KIF15: variants seen among roughly 807,000 people sequenced by gnomAD.
The protein encoded by KIF15 is kinesin-like protein KIF15.
Under a neutral mutation model 190.6 loss-of-function variants are expected in KIF15, and 140 were observed. That is an observed-to-expected ratio of 0.73 (90% CI 0.64 to 0.84). The LOEUF (loss-of-function observed/expected upper bound fraction) is 0.84, where lower values mean the gene tolerates loss of function less well. Among genes scored for constraint, KIF15 ranks in the 40% least tolerant of loss-of-function variants. The pLI is 0.00. For missense variants in KIF15, 1,372 were observed against 1,584.4 expected (o/e 0.87, Z 2.28); for synonymous variants, 528 against 551.3 (o/e 0.96, Z 0.59).
intron 10 of KIF15, among the ~76,000 whole-genome samples, chr3:44,799,944 A>T (rs1455329395): frequency 6.6e-6 from 1 of 152,060 alleles, no homozygotes; most frequent in Admixed American, 6.6e-5. Flanking sequence ...AAGGGAAATG[A>T]TACTCACTGA....
At chr3:44,776,423 TA>T (rs771749089) in intron 3 of KIF15, among the ~76,000 whole-genome samples, 3,476 of 134,566 alleles carry the variant, frequency 0.026, 49 homozygotes, top group Non-Finnish European at 0.038. Context: ...CTCTATCTCT[TA>T]AAAAAAAAAA....
intron 1 of KIF15, among the ~76,000 whole-genome samples, chr3:44,770,406 C>T (rs1401598237): frequency 1.3e-5 from 2 of 152,154 alleles, no homozygotes; most frequent in African/African-American, 2.4e-5. Context: ...TTTTTACCCT[C>T]AAATACCTGT....
At chr3:44,816,815 A>T (rs551797069) in intron 20 of KIF15, among the ~76,000 whole-genome samples, 1 of 152,322 alleles carries the variant, frequency 6.6e-6, no homozygotes, top group East Asian at 1.9e-4. Flanking sequence ...GGATTGCCAC[A>T]CTGTCTTCCA....
intron 20 of KIF15, among the ~76,000 whole-genome samples, chr3:44,822,188 A>G (rs1697377735): frequency 6.6e-6 from 1 of 152,146 alleles, no homozygotes; most frequent in Non-Finnish European, 1.5e-5. Flanking sequence ...GAGCTCTTGT[A>G]AGTCAGGCCT....
intron 32 of KIF15, among the ~76,000 whole-genome samples, chr3:44,848,839 C>T (rs181014117): frequency 5.3e-5 from 8 of 152,264 alleles, no homozygotes; most frequent in Admixed American, 2.6e-4. Flanking sequence ...AATGTAACTA[C>T]CAGGTGTCCC....
chr3:44,818,571 C>T (rs370667647), intron 20 of KIF15, among the ~76,000 whole-genome samples: 3 of 152,154 alleles, frequency 2.0e-5, no homozygotes, highest in Admixed American at 6.5e-5. Context: ...GTTGAAGCAG[C>T]CTTGCATGCC....
intron 7 of KIF15, 120 bp downstream of exon 7, chr3:44,786,694 T>G: frequency 4.5e-6 from 3 of 667,638 alleles, no homozygotes; most frequent in Non-Finnish European, 7.0e-6. Flanking sequence ...TAATACAGAA[T>G]GTTCATGGGA....
chr3:44,824,716 A>G (rs1697547577), intron 20 of KIF15, among the ~76,000 whole-genome samples: 1 of 152,146 alleles, frequency 6.6e-6, no homozygotes, highest in South Asian at 2.1e-4. Flanking sequence ...ATATTTTGCT[A>G]CATACTTAAA....
At chr3:44,779,592 T>TG (rs1478851399) in intron 4 of KIF15, among the ~76,000 whole-genome samples, 1 of 152,110 alleles carries the variant, frequency 6.6e-6, no homozygotes, top group Non-Finnish European at 1.5e-5. Context: ...CCCAGCACTT[T>TG]GGGGGGCCGA....
chr3:44,865,464 G>T (rs2125740752), intron 6 of KIF15: 1 of 432,988 alleles, frequency 2.3e-6, no homozygotes, highest in Admixed American at 3.3e-5. Context: ...GGGTTGGTCT[G>T]CTTTGTGTAT....
At chr3:44,789,748 G>A (rs1346572803) in intron 7 of KIF15, among the ~76,000 whole-genome samples, 2 of 145,382 alleles carry the variant, frequency 1.4e-5, no homozygotes, top group Non-Finnish European at 3.0e-5. Flanking sequence ...CATCCTTATA[G>A]GTTCTTGGAA....
At chr3:44,803,571 A>T (rs1049854889) in intron 14 of KIF15, among the ~76,000 whole-genome samples, 1 of 152,222 alleles carries the variant, frequency 6.6e-6, no homozygotes, top group African/African-American at 2.4e-5. Flanking sequence ...GTTGGTGTTC[A>T]TACCCTGGGA....
intron 23 of KIF15, 109 bp downstream of exon 23, chr3:44,827,637 A>G: frequency 1.7e-6 from 1 of 595,426 alleles, no homozygotes; most frequent in African/African-American, 1.9e-5. Flanking sequence ...GGAAATTAGT[A>G]AGAAAGAAAT....
chr3:44,840,490 G>A (rs1043238059), intron 28 of KIF15, 34 bp downstream of exon 28: 3 of 1,439,208 alleles, frequency 2.1e-6, no homozygotes, highest in Admixed American at 2.0e-5. Context: ...TCAGGAGGAA[G>A]AAACAGTTTT....
intron 5 of KIF15, among the ~76,000 whole-genome samples, chr3:44,784,078 T>A (rs996772691): frequency 1.4e-4 from 22 of 152,328 alleles, no homozygotes; most frequent in African/African-American, 3.8e-4. Context: ...TGCCTAATTT[T>A]AAAAAAATCA....
At chr3:44,851,272 G>C (rs1370028505) in intron 32 of KIF15, among the ~76,000 whole-genome samples, 1 of 152,148 alleles carries the variant, frequency 6.6e-6, no homozygotes, top group African/African-American at 2.4e-5. Flanking sequence ...TCCCTAAAGG[G>C]GGGTGGGGGG....
intron 3 of KIF15, among the ~76,000 whole-genome samples, chr3:44,775,972 C>T (rs926409409): frequency 2.1e-4 from 32 of 150,712 alleles, no homozygotes; most frequent in African/African-American, 4.9e-4. Flanking sequence ...CCTAGCTACT[C>T]GGGAGGCTGA....
chr3:44,811,091 T>C (rs773480702), intron 17 of KIF15, 48 bp downstream of exon 17: 1 of 1,372,728 alleles, frequency 7.3e-7, no homozygotes. Context: ...TCCATTTAAA[T>C]ACATTTGCTT....
At chr3:44,861,217 C>G (rs973977454) in intron 6 of KIF15, among the ~76,000 whole-genome samples, 3 of 152,148 alleles carry the variant, frequency 2.0e-5, no homozygotes, top group Admixed American at 1.3e-4. Context: ...TCTCGAACTC[C>G]CGACCTCAGG....
Sources: allele counts gnomAD v4.1 joint callset (sites outside exome capture counted in the v4.1 genomes callset), GRCh38; gene constraint gnomAD v4.1.1; transcripts MANE v1.5; gene names NCBI Gene and HGNC (gene_info 2026-07-23, HGNC 2026-07-21).